ANO2: variants seen among roughly 807,000 people sequenced by gnomAD.
ANO2 encodes anoctamin-2.
Under a neutral mutation model 124.2 loss-of-function variants are expected in ANO2, and 101 were observed. The ratio of observed to expected loss-of-function variants is 0.81; its 90% CI spans 0.69 to 0.96. The LOEUF is 0.96. ANO2 is among the 40% of genes least tolerant of loss of function. The pLI is 0.00. For missense variants in ANO2, 1,293 were observed against 1,274.5 expected, an observed-to-expected ratio of 1.01 and a Z score of -0.22; for synonymous variants, 486 against 482.5, an observed-to-expected ratio of 1.01 and a Z score of -0.09.
intron 17 of ANO2, 130 bp from the exon 18 acceptor site, chr12:5,613,088 T>C: frequency 1.2e-6 from 1 of 865,166 alleles, no homozygotes; most frequent in Non-Finnish European, 1.9e-6. Flanking sequence ...GAGTGCTAGA[T>C]CACTCAGGGA....
chr12:5,679,067 T>C lies in ANO2; in HGVS notation c.1546-31266A>G, dbSNP rs1001700191. On this transcript the variant is annotated intron_variant, in intron 14 of 24. Transcript: ENST00000682330. Reference sequence around the variant, plus strand: ...CACGACCTCTAAAACTCAGACAGCATTGACATATGTGTAACATTTGGAGCA... The same window carrying C: ...CACGACCTCTAAAACTCAGACAGCACTGACATATGTGTAACATTTGGAGCA... Among the ~76,000 whole-genome samples, 3 of 152,234 alleles carry C rather than the reference T, an allele frequency of 2.0e-5. No homozygotes were observed. The South Asian group carries it at 6.2e-4, about 32-fold the overall frequency.
intron 10 of ANO2, among the ~76,000 whole-genome samples, chr12:5,767,738 C>A (rs939066217): frequency 4.6e-5 from 7 of 152,182 alleles, no homozygotes; most frequent in African/African-American, 9.7e-5. Flanking sequence ...GCCCTTCCCC[C>A]CCATCTGCTT....
chr12:5,772,722 A>T (rs1265508994), intron 10 of ANO2, among the ~76,000 whole-genome samples: 1 of 152,254 alleles, frequency 6.6e-6, no homozygotes, highest in East Asian at 1.9e-4. Flanking sequence ...GCCTTTATGT[A>T]TAGTGAATAT....
intron 14 of ANO2, among the ~76,000 whole-genome samples, chr12:5,682,655 A>T (rs1948548713): frequency 6.6e-6 from 1 of 152,218 alleles, no homozygotes; most frequent in African/African-American, 2.4e-5. Context: ...AGAGCCCTGT[A>T]TGTGAAGACA....
chr12:5,727,853 C>T (rs1230181529), intron 14 of ANO2, among the ~76,000 whole-genome samples: 1 of 151,080 alleles, frequency 6.6e-6, no homozygotes, highest in Non-Finnish European at 1.5e-5. Flanking sequence ...GTCCCCCAGG[C>T]TGGAGTGCAG....
intron 6 of ANO2, 127 bp from the exon 7 acceptor site, chr12:5,827,947 A>G: frequency 3.1e-6 from 3 of 973,866 alleles, no homozygotes; most frequent in Non-Finnish European, 4.5e-6. Context: ...GACGAAGCCA[A>G]GCATGTGCCT....
intron 3 of ANO2, among the ~76,000 whole-genome samples, chr12:5,856,065 C>T (rs1955088262): frequency 6.6e-6 from 1 of 152,178 alleles, no homozygotes; most frequent in South Asian, 2.1e-4. Flanking sequence ...CTTGCTACTA[C>T]TTCTAACTGT....
At chr12:5,873,856 C>G (rs1381263022) in intron 3 of ANO2, among the ~76,000 whole-genome samples, 1 of 152,200 alleles carries the variant, frequency 6.6e-6, no homozygotes, top group African/African-American at 2.4e-5. Flanking sequence ...CTGCAAAGCC[C>G]CTCCAGGGCT....
chr12:5,737,076 T>G (rs1411863840), intron 13 of ANO2, among the ~76,000 whole-genome samples: 1 of 152,224 alleles, frequency 6.6e-6, no homozygotes, highest in Non-Finnish European at 1.5e-5. Context: ...AAAAACCTAG[T>G]ATGTAATAGA....
intron 3 of ANO2, among the ~76,000 whole-genome samples, chr12:5,868,534 A>G (rs561300920): frequency 5.1e-4 from 78 of 152,386 alleles, no homozygotes; most frequent in Non-Finnish European, 8.5e-4. Context: ...TAGGTGCTCA[A>G]TGCTAATAAT....
chr12:5,944,487 C>G (rs180845621), intron 1 of ANO2, among the ~76,000 whole-genome samples: 32 of 152,328 alleles, frequency 2.1e-4, no homozygotes, highest in Middle Eastern at 6.8e-3. Flanking sequence ...ATGCCTGTCT[C>G]AAGAATTACC....
chr12:5,667,945 C>T (rs1591854688), intron 14 of ANO2, among the ~76,000 whole-genome samples: 1 of 152,178 alleles, frequency 6.6e-6, no homozygotes, highest in Admixed American at 6.5e-5. Flanking sequence ...TCTTTATCCA[C>T]TCTATCATTG....
At chr12:5,690,031 C>G (rs1948865499) in intron 14 of ANO2, among the ~76,000 whole-genome samples, 1 of 152,096 alleles carries the variant, frequency 6.6e-6, no homozygotes, top group South Asian at 2.1e-4. Flanking sequence ...ACTGGCTCTC[C>G]ACAGACCCTG....
Position 5,922,633 on chromosome 12 carries a change from G to A in ANO2, c.194C>T (p.Thr65Ile), listed in dbSNP as rs1375240578. The change falls in exon 2 of 25, where the codon ACC becomes ATC. Residue 65 changes from threonine (T) to isoleucine (I), a missense_variant. By Grantham distance (89) the Thr-to-Ile change is moderately conservative. Transcript: ENST00000682330. ...CCCAGTACTCACAGAGCTGCTGCGGGTGCTCTCTCCACCGCAGGGCTGGCC... is the reference window on the plus strand; with the variant it reads ...CCCAGTACTCACAGAGCTGCTGCGGATGCTCTCTCCACCGCAGGGCTGGCC... The part of the protein sequence containing the change: ...DPGQPCGGES[T>I]RSSSVINNYL... 1 of 1,543,076 alleles carries A rather than the reference G, an allele frequency of 6.5e-7. No homozygotes were observed. Among genetic ancestry groups the A allele is most frequent in the Non-Finnish European group, 8.7e-7 (1 of 1,146,914 alleles).
intron 10 of ANO2, among the ~76,000 whole-genome samples, chr12:5,779,890 G>A (rs775575876): frequency 2.0e-5 from 3 of 152,114 alleles, no homozygotes; most frequent in South Asian, 2.1e-4. Flanking sequence ...ATTGAAGGAG[G>A]CTATATAGAG....
intron 10 of ANO2, among the ~76,000 whole-genome samples, chr12:5,779,751 C>T (rs895912434): frequency 1.3e-5 from 2 of 152,120 alleles, no homozygotes; most frequent in Non-Finnish European, 2.9e-5. Context: ...AGGTGTCTTG[C>T]TAAAAGTGCA....
chr12:5,829,576 T>C (rs1015491773), intron 6 of ANO2, among the ~76,000 whole-genome samples: 1 of 152,180 alleles, frequency 6.6e-6, no homozygotes, highest in African/African-American at 2.4e-5. Flanking sequence ...TCCTCATTCC[T>C]CCTGTGGAAA....
chr12:5,574,319 C>G (rs1168236571), intron 23 of ANO2, among the ~76,000 whole-genome samples: 1 of 152,062 alleles, frequency 6.6e-6, no homozygotes, highest in East Asian at 1.9e-4. Flanking sequence ...CTTCAGTGAC[C>G]CCAGTGCTGA....
intron 4 of ANO2, among the ~76,000 whole-genome samples, chr12:5,834,991 G>T (rs566170667): frequency 2.6e-5 from 4 of 152,018 alleles, no homozygotes; most frequent in African/African-American, 9.7e-5. Context: ...TAATGGATGC[G>T]TAGTATTACA....
Sources: gnomAD v4.1 joint callset for allele counts (sites outside exome capture counted in the v4.1 genomes callset) on GRCh38, gnomAD v4.1.1 for gene constraint, MANE v1.5 for transcripts, NCBI Gene and HGNC (gene_info 2026-07-23, HGNC 2026-07-21) for gene names.